Variants in PM20D1 observed in about 807,000 individuals in gnomAD.
The protein encoded by PM20D1 is N-fatty-acyl-amino acid synthase/hydrolase PM20D1.
PM20D1 carries 53 observed loss-of-function variants against 53.8 expected under a neutral mutation model. That is an observed-to-expected ratio of 0.98 (90% CI 0.79 to 1.24). The LOEUF is 1.24. Ranked by LOEUF, PM20D1 falls within the 50% of genes most tolerant of loss-of-function variation. The pLI, the probability that PM20D1 is intolerant of heterozygous loss-of-function variation, is 0.00. For synonymous variants in PM20D1, 239 were observed against 241.3 expected, an observed-to-expected ratio of 0.99 and a Z score of 0.09; for missense variants, 564 against 616.8, an observed-to-expected ratio of 0.91 and a Z score of 0.91.
intron 7 of PM20D1, 131 bp downstream of exon 7, chr1:205,842,545 A>T (rs1276748447): frequency 2.2e-6 from 2 of 904,844 alleles, no homozygotes; most frequent in Non-Finnish European, 3.5e-6. Flanking sequence ...TGGCTCAGCC[A>T]CTGGCTGGGA....
At chr1:205,834,891 G>T (rs916466757) in intron 10 of PM20D1, among the ~76,000 whole-genome samples, 1 of 152,162 alleles carries the variant, frequency 6.6e-6, no homozygotes, top group African/African-American at 2.4e-5. Flanking sequence ...GGCAGGGACT[G>T]TGTCTATCTC....
intron 10 of PM20D1, among the ~76,000 whole-genome samples, chr1:205,832,994 T>C (rs1449688359): frequency 6.6e-6 from 1 of 152,182 alleles, no homozygotes; most frequent in Non-Finnish European, 1.5e-5. Context: ...TTAGGTTAAA[T>C]GTTTTGGGAG....
At chr1:205,844,664 A>G (rs1656902468) in intron 4 of PM20D1, 147 bp downstream of exon 4, 2 of 664,896 alleles carry the variant, frequency 3.0e-6, no homozygotes, top group Non-Finnish European at 5.0e-6. Flanking sequence ...GTCCTTAGAT[A>G]GTCCTGGCAT....
At chr1:205,846,355 C>T (rs1656981187) in intron 2 of PM20D1, among the ~76,000 whole-genome samples, 1 of 151,910 alleles carries the variant, frequency 6.6e-6, no homozygotes. Context: ...CACTGCACTC[C>T]AGCCTGGCTG....
intron 10 of PM20D1, among the ~76,000 whole-genome samples, chr1:205,839,088 C>T (rs1163597051): frequency 6.6e-6 from 1 of 152,200 alleles, no homozygotes; most frequent in Non-Finnish European, 1.5e-5. Flanking sequence ...TCTCTCCTGC[C>T]ACAGATTTCA....
At chr1:205,844,011 C>T (rs75574362) in intron 5 of PM20D1, 76 bp downstream of exon 5, 3 of 1,542,262 alleles carry the variant, frequency 1.9e-6, no homozygotes, top group African/African-American at 1.4e-5. Context: ...CAGCATGGCT[C>T]ACAGATACCA....
chr1:205,838,181 A>G (rs1656725433), intron 10 of PM20D1, among the ~76,000 whole-genome samples: 1 of 152,190 alleles, frequency 6.6e-6, no homozygotes, highest in Non-Finnish European at 1.5e-5. Context: ...GTGGCACAGA[A>G]CTGCCCCTAA....
intron 2 of PM20D1, among the ~76,000 whole-genome samples, chr1:205,846,980 AT>A (rs1218872551): frequency 5.8e-5 from 3 of 51,310 alleles, no homozygotes; most frequent in African/African-American, 2.2e-4. Flanking sequence ...TGAGCCACTC[AT>A]TTTTGTTTTT....
At chr1:205,830,997 T>C (rs73082334) in intron 11 of PM20D1, among the ~76,000 whole-genome samples, 25,195 of 152,196 alleles carry the variant, frequency 0.17, 2,846 homozygotes, top group African/African-American at 0.33. Context: ...ACTTTACTAC[T>C]ATAAAATATC....
chr1:205,842,851 C>T (rs1656847594), intron 6 of PM20D1, 100 bp from the exon 7 acceptor site: 9 of 1,046,230 alleles, frequency 8.6e-6, no homozygotes, highest in South Asian at 1.3e-5. Flanking sequence ...TTCAACGCTC[C>T]TGGCCAAGAG....
intron 10 of PM20D1, among the ~76,000 whole-genome samples, chr1:205,833,794 G>C (rs1038064508): frequency 6.6e-6 from 1 of 152,100 alleles, no homozygotes; most frequent in African/African-American, 2.4e-5. Flanking sequence ...TCTAGAAAGG[G>C]GGGGTTGTCC....
intron 10 of PM20D1, among the ~76,000 whole-genome samples, chr1:205,837,996 C>T (rs949513354): frequency 1.3e-5 from 2 of 152,106 alleles, no homozygotes; most frequent in African/African-American, 4.8e-5. Context: ...AACTACCCCC[C>T]ACTCCCCCAA....
intron 1 of PM20D1, among the ~76,000 whole-genome samples, chr1:205,848,981 G>T (rs1553261915): frequency 6.6e-6 from 1 of 152,198 alleles, no homozygotes; most frequent in Non-Finnish European, 1.5e-5. Flanking sequence ...TGTGCAGACT[G>T]TGAGTGGCTG....
intron 10 of PM20D1, among the ~76,000 whole-genome samples, chr1:205,836,955 C>T (rs1352572342): frequency 6.6e-6 from 1 of 152,164 alleles, no homozygotes; most frequent in African/African-American, 2.4e-5. Context: ...ATGCTATTGC[C>T]AGGTCTTTGC....
chr1:205,840,211 T>C, intron 10 of PM20D1, 41 bp downstream of exon 10: 2 of 1,574,732 alleles, frequency 1.3e-6, no homozygotes, highest in South Asian at 2.3e-5. Flanking sequence ...CACATCTCCC[T>C]GATGCTGCAT....
rs1029170451 is a variant in PM20D1, at chr1:205,841,246, C to A, written c.1044+565G>T. On this transcript the variant is annotated intron_variant, in intron 9 of 12. Transcript: ENST00000367136. ...GTTCCTTGGAGGCCGGGAGACTCCC[C>A]AAGTGCATATCTTTCTTTGAACTCG... 1.8e-4 allele frequency among the ~76,000 whole-genome samples: 28 copies of A among 152,252 alleles called. No individual in the cohort carries two copies. In the East Asian group the frequency reaches 4.0e-3, roughly 22 times the overall value.
At chr1:205,840,465 C>T in intron 9 of PM20D1, 142 bp from the exon 10 acceptor site, 1 of 654,902 alleles carries the variant, frequency 1.5e-6, no homozygotes, top group Non-Finnish European at 2.6e-6. Flanking sequence ...TTCTAGTCTG[C>T]CTCTTGTCTT....
At chr1:205,834,596 A>C (rs16856400) in intron 10 of PM20D1, among the ~76,000 whole-genome samples, 15,335 of 152,260 alleles carry the variant, frequency 0.1, 1,207 homozygotes, top group African/African-American at 0.22. Context: ...GGGTCATCAA[A>C]GTGTATTCTC....
rs372481740 is a variant in PM20D1 at position 205,844,140 on chromosome 1, C to G, written c.654G>C (p.Glu218Asp). The change falls in exon 5 of 13, where the codon GAG becomes GAC. Residue 218 changes from glutamate (E) to aspartate (D), a missense_variant. Glu to Asp is a conservative substitution (Grantham distance 45). Coordinates refer to ENST00000367136, the MANE Select transcript of PM20D1 (RefSeq NM_152491.5). ...RGVQLAFIVD[E>D]GGFILDDFIP... Reference sequence around the variant, plus strand: ...TGAAATCATCCAAGATGAAGCCCCCCTCGTCCACAATGAAGGCTAGCTGGA... The same window carrying G: ...TGAAATCATCCAAGATGAAGCCCCCGTCGTCCACAATGAAGGCTAGCTGGA... 3.7e-6 allele frequency: 6 copies of G among 1,614,020 alleles called. No individual in the cohort carries two copies. In the South Asian group the frequency reaches 6.6e-5, roughly 18 times the overall value.
Sources: gnomAD v4.1 joint callset for allele counts (sites outside exome capture counted in the v4.1 genomes callset) on GRCh38, gnomAD v4.1.1 for gene constraint, MANE v1.5 for transcripts, NCBI Gene and HGNC (gene_info 2026-07-23, HGNC 2026-07-21) for gene names.